ARHGEF4: variants seen among roughly 807,000 people sequenced by gnomAD.
ARHGEF4 encodes Rho guanine nucleotide exchange factor 4.
Under a neutral mutation model 162.0 loss-of-function variants are expected in ARHGEF4, and 119 were observed. That is an observed-to-expected ratio of 0.73 (90% confidence interval 0.63 to 0.86). ARHGEF4 has a LOEUF of 0.86. Ranked by LOEUF, ARHGEF4 falls within the 40% of genes least tolerant of loss-of-function variation. The probability of loss-of-function intolerance (pLI) is 0.00; values close to 1 mark genes in which losing one functional copy is unlikely to be tolerated. For missense variants in ARHGEF4, 2,488 were observed against 2,456.0 expected (o/e 1.01, Z -0.28); for synonymous variants, 1,014 against 979.9 (o/e 1.03, Z -0.65).
intron 4 of ARHGEF4, chr2:130,946,997 A>G: frequency 5.0e-6 from 1 of 198,620 alleles, no homozygotes; most frequent in Non-Finnish European, 1.1e-5. Flanking sequence ...TTGGGAGGCC[A>G]AGGTGGGCGG....
At chr2:130,999,597 G>T (rs1340193718) in intron 4 of ARHGEF4, among the ~76,000 whole-genome samples, 1 of 152,110 alleles carries the variant, frequency 6.6e-6, no homozygotes, top group Non-Finnish European at 1.5e-5. Context: ...TCTTTTTGTA[G>T]ATGTGTTACT....
In ARHGEF4 at chr2:130,930,898, C is replaced by A. The variant is rs1574251753; in HGVS notation, c.3553-54C>A. The A allele has an allele frequency of 2.6e-6, 4 of 1,519,296 alleles. No homozygotes were observed. In the South Asian group the frequency reaches 5.0e-5, roughly 19 times the overall value. The allele number at this position is 1,519,296 out of a possible 1,614,324, so 94.1% of individuals were successfully genotyped here. On this transcript the variant is annotated intron_variant, in intron 2 of 13. Transcript: ENST00000409359. ...AGGCAGAGGAAGGACAGCGTGTTCCCAGTTGATATGTCCTTTGACCTCTGA... is the reference window on the plus strand; with the variant it reads ...AGGCAGAGGAAGGACAGCGTGTTCCAAGTTGATATGTCCTTTGACCTCTGA...
intron 1 of ARHGEF4, among the ~76,000 whole-genome samples, chr2:130,883,765 G>A (rs1332116867): frequency 6.6e-6 from 1 of 152,104 alleles, no homozygotes; most frequent in Non-Finnish European, 1.5e-5. Flanking sequence ...GGTCTTCCAA[G>A]AGGCCTTAGG....
intron 1 of ARHGEF4, among the ~76,000 whole-genome samples, chr2:130,894,861 C>A (rs1046632120): frequency 1.3e-5 from 2 of 152,058 alleles, no homozygotes; most frequent in African/African-American, 4.8e-5. Context: ...CATGCCCTCC[C>A]CCATTAGTTT....
chr2:130,946,413 G>T, intron 3 of ARHGEF4, 96 bp from the exon 4 acceptor site: 1 of 1,464,520 alleles, frequency 6.8e-7, no homozygotes, highest in Non-Finnish European at 9.2e-7. Context: ...TGTTCACAAT[G>T]AAAAGTCCTC....
At chr2:130,928,032 GT>G (rs1186939659) in intron 2 of ARHGEF4, among the ~76,000 whole-genome samples, 2 of 151,814 alleles carry the variant, frequency 1.3e-5, no homozygotes, top group African/African-American at 2.4e-5. Flanking sequence ...CTCTTTCCTA[GT>G]TTTTTTCCCT....
intron 1 of ARHGEF4, among the ~76,000 whole-genome samples, chr2:130,880,295 G>A (rs1358640991): frequency 6.6e-6 from 1 of 152,164 alleles, no homozygotes; most frequent in Non-Finnish European, 1.5e-5. Context: ...CTGACTGATG[G>A]TGGAACAGGG....
chr2:130,916,038 G>A lies in ARHGEF4; in HGVS notation c.2092G>A (p.Gly698Arg). 1 of 1,550,394 alleles carries A rather than the reference G, an allele frequency of 6.4e-7. No homozygotes were observed. Among genetic ancestry groups the A allele is most frequent in the Non-Finnish European group, 8.7e-7 (1 of 1,146,912 alleles). Residue 698 changes from glycine (G) to arginine (R), a missense_variant, in exon 2 of 14, where the codon GGA becomes AGA. Gly to Arg is a moderately radical substitution (Grantham distance 125). This residue lies in a region of ARHGEF4 where 1,642 missense variants were observed against 1,481.5 expected (regional missense o/e 1.11). Transcript: ENST00000409359. ...ECELPAAPIQGAGDGALQRVA... is the reference protein window; with the variant it reads ...ECELPAAPIQRAGDGALQRVA... ...TGAGTTGCCAGCAGCCCCCATACAG[G>A]GAGCTGGCGATGGGGCTCTTCAGCG...
chr2:130,954,745 A>G (rs1025520724), intron 4 of ARHGEF4, among the ~76,000 whole-genome samples: 1 of 152,120 alleles, frequency 6.6e-6, no homozygotes, highest in African/African-American at 2.4e-5. Flanking sequence ...CATTTTTACT[A>G]TGATGTGTCT....
chr2:130,909,720 T>C (rs967271283), intron 1 of ARHGEF4, among the ~76,000 whole-genome samples: 2 of 151,840 alleles, frequency 1.3e-5, no homozygotes, highest in African/African-American at 4.8e-5. Context: ...CATTTGGCAG[T>C]GTCACAGGCG....
chr2:131,043,342 C>A, intron 10 of ARHGEF4, 110 bp from the exon 11 acceptor site: 1 of 1,459,962 alleles, frequency 6.8e-7, no homozygotes, highest in Non-Finnish European at 9.4e-7. Flanking sequence ...GCCAGGTGGG[C>A]GCTGCAGGCA....
intron 4 of ARHGEF4, among the ~76,000 whole-genome samples, chr2:131,017,925 G>T (rs1274789575): frequency 6.6e-6 from 1 of 152,008 alleles, no homozygotes; most frequent in African/African-American, 2.4e-5. Context: ...TTTTTTTCTA[G>T]CTATAGACAA....
chr2:130,839,722 C>G (rs1680474343), intron 1 of ARHGEF4, among the ~76,000 whole-genome samples: 1 of 152,170 alleles, frequency 6.6e-6, no homozygotes, highest in Non-Finnish European at 1.5e-5. Flanking sequence ...GAGGCCCTCC[C>G]AGCATCGTGT....
intron 1 of ARHGEF4, among the ~76,000 whole-genome samples, chr2:130,846,655 G>A (rs1250730688): frequency 6.6e-6 from 1 of 152,194 alleles, no homozygotes; most frequent in Non-Finnish European, 1.5e-5. Context: ...GCCCTCAGGA[G>A]GTGCGGGGGC....
At chr2:131,011,863 G>A in intron 4 of ARHGEF4, 1 of 707,498 alleles carries the variant, frequency 1.4e-6, no homozygotes, top group South Asian at 1.5e-5. Context: ...GTCACTCCGT[G>A]AAGTGTGGGG....
intron 5 of ARHGEF4, among the ~76,000 whole-genome samples, chr2:131,029,099 G>A (rs963298406): frequency 6.6e-6 from 1 of 151,976 alleles, no homozygotes; most frequent in East Asian, 1.9e-4. Context: ...GGTGGCTCAC[G>A]CCTATAATCT....
chr2:131,045,224 A>C, intron 12 of ARHGEF4, 145 bp from the exon 13 acceptor site: 1 of 762,156 alleles, frequency 1.3e-6, no homozygotes, highest in Non-Finnish European at 2.1e-6. Context: ...CTGACTGTGC[A>C]GAATGGGCAA....
At chr2:131,039,811 G>A (rs973393645) in intron 6 of ARHGEF4, 7 of 1,409,034 alleles carry the variant, frequency 5.0e-6, no homozygotes, top group Admixed American at 6.3e-5. Flanking sequence ...TCACACTGAC[G>A]GCGGCTGCGG....
rs181728400 is a variant in ARHGEF4, at chr2:130,991,099, A to C, written c.3986-36846A>C. On this transcript the variant is annotated intron_variant, in intron 4 of 13. Transcript: ENST00000409359. ...AAATGAATGGATACAGATTTTCCAA[A>C]ATGAAGGAGAGATGTGAATCTTCAA... 1.8e-3 allele frequency among the ~76,000 whole-genome samples: 274 copies of C among 152,378 alleles called. 1 individual carries two copies. Among genetic ancestry groups the C allele is most frequent in the African/African-American group, 6.3e-3 (264 of 41,598 alleles).
Sources: gnomAD v4.1 joint callset for allele counts (sites outside exome capture counted in the v4.1 genomes callset) on GRCh38, gnomAD v4.1.1 for gene constraint, gnomAD v4.1.1 regional missense constraint, MANE v1.5 for transcripts, NCBI Gene and HGNC (gene_info 2026-07-23, HGNC 2026-07-21) for gene names.